BANK1: variants seen among roughly 807,000 people sequenced by gnomAD.
The protein encoded by BANK1 is B-cell scaffold protein with ankyrin repeats.
Under a neutral mutation model 94.5 loss-of-function variants are expected in BANK1, and 95 were observed. That is an observed-to-expected ratio of 1.00 (90% CI 0.85 to 1.19). The LOEUF is 1.19. Among genes scored for constraint, BANK1 ranks in the 50% most tolerant of loss-of-function variants. The pLI is 0.00. For missense variants in BANK1, 987 were observed against 932.2 expected (o/e 1.06, Z -0.77); for synonymous variants, 334 against 308.4 (o/e 1.08, Z -0.87).
chr4:102,058,217 C>T (rs1166081868), intron 11 of BANK1, among the ~76,000 whole-genome samples: 1 of 152,022 alleles, frequency 6.6e-6, no homozygotes, highest in Non-Finnish European at 1.5e-5. Flanking sequence ...TACATTCTTA[C>T]CTACTCTGTA....
chr4:101,960,372 CAGTA>C (rs1011421177), intron 7 of BANK1, among the ~76,000 whole-genome samples: 10 of 152,038 alleles, frequency 6.6e-5, no homozygotes, highest in African/African-American at 2.4e-4. Flanking sequence ...AGGCCAAAAA[CAGTA>C]AGAATGACTG....
At position 102,043,733 on chromosome 4, in the gene BANK1, T is replaced by G. The variant is rs1727779395; in HGVS notation, c.1901-106T>G. ...AAAAGTAATACAATTCAGGAACTGA[T>G]ACTCAGGAAAATGATATATTGCATT... On this transcript the variant is annotated intron_variant, in intron 10 of 16. Coordinates refer to ENST00000322953, the MANE Select transcript of BANK1 (RefSeq NM_017935.5). 2.4e-5 allele frequency: 15 copies of G among 616,850 alleles called. No homozygotes were observed. In the South Asian group the frequency reaches 3.9e-4, roughly 16 times the overall value. 38.2% of individuals were successfully genotyped at this position (616,850 alleles called of 1,614,324 possible). A position where few individuals can be genotyped will look rare whatever the true frequency, so the allele number is the denominator to read the frequency against.
intron 11 of BANK1, among the ~76,000 whole-genome samples, chr4:102,053,652 A>G (rs1310551180): frequency 2.0e-5 from 3 of 151,918 alleles, no homozygotes; most frequent in African/African-American, 7.2e-5. Context: ...GGAATTAAAC[A>G]AAATAAAAAG....
chr4:101,809,622 T>G (rs1364483627), intron 1 of BANK1, among the ~76,000 whole-genome samples: 2 of 152,264 alleles, frequency 1.3e-5, no homozygotes, highest in East Asian at 3.9e-4. Context: ...CAAAGGAACT[T>G]TCAAGCTCCC....
intron 11 of BANK1, among the ~76,000 whole-genome samples, chr4:102,046,012 T>C (rs1727866140): frequency 6.8e-6 from 1 of 148,012 alleles, no homozygotes; most frequent in Non-Finnish European, 1.5e-5. Flanking sequence ...AGAACAAAGC[T>C]GGAGGCATCA....
At chr4:102,071,170 A>G in intron 13 of BANK1, 105 bp from the exon 14 acceptor site, 1 of 1,282,602 alleles carries the variant, frequency 7.8e-7, no homozygotes, top group South Asian at 1.3e-5. Flanking sequence ...ATTTCATAGC[A>G]ACCTCAAAGA....
chr4:102,035,768 C>G (rs939187832), intron 10 of BANK1, among the ~76,000 whole-genome samples: 1 of 151,810 alleles, frequency 6.6e-6, no homozygotes, highest in Non-Finnish European at 1.5e-5. Context: ...ACAAGAATAA[C>G]TCATTTTTCA....
At chr4:102,071,506 G>A (rs111360180) in intron 14 of BANK1, among the ~76,000 whole-genome samples, 1,797 of 152,288 alleles carry the variant, frequency 0.012, 16 homozygotes, top group Non-Finnish European at 0.018. Context: ...GCACCATAAC[G>A]TAATAAAAGG....
At chr4:101,827,723 A>T (rs564288338) in intron 1 of BANK1, among the ~76,000 whole-genome samples, 1 of 152,058 alleles carries the variant, frequency 6.6e-6, no homozygotes, top group South Asian at 2.1e-4. Context: ...GATTACAGTT[A>T]CACTTTCATA....
intron 7 of BANK1, among the ~76,000 whole-genome samples, chr4:101,966,152 T>G (rs1724747457): frequency 6.6e-6 from 1 of 152,068 alleles, no homozygotes; most frequent in African/African-American, 2.4e-5. Context: ...AGGAGGCTAT[T>G]CAAACACAGT....
At chr4:101,794,555 T>C (rs2148847672) in intron 1 of BANK1, among the ~76,000 whole-genome samples, 1 of 152,222 alleles carries the variant, frequency 6.6e-6, no homozygotes, top group South Asian at 2.1e-4. Context: ...ATTTAAAAAG[T>C]AAGTTATTAT....
chr4:101,947,309 A>ATATATATATATATATATATATATATG (rs1176507515), intron 7 of BANK1, among the ~76,000 whole-genome samples: 2,086 of 67,034 alleles, frequency 0.031, 209 homozygotes, highest in Non-Finnish European at 0.041. Context: ...ATATATATAT[A>ATATATATATATATATATATATATATG]TATGTATATG....
At chr4:102,043,526 C>A (rs75738090) in intron 10 of BANK1, among the ~76,000 whole-genome samples, 4,238 of 152,002 alleles carry the variant, frequency 0.028, 71 homozygotes, top group Non-Finnish European at 0.038. Flanking sequence ...TAACATTTAT[C>A]GCTTTTAACA....
At chr4:102,055,746 C>G (rs188345515) in intron 11 of BANK1, among the ~76,000 whole-genome samples, 9 of 152,022 alleles carry the variant, frequency 5.9e-5, no homozygotes, top group Admixed American at 5.9e-4. Flanking sequence ...CAAAAAGTAC[C>G]TATTAAAAAG....
chr4:102,045,311 A>G (rs1727842752), intron 11 of BANK1, among the ~76,000 whole-genome samples: 1 of 152,178 alleles, frequency 6.6e-6, no homozygotes, highest in Admixed American at 6.6e-5. Context: ...GAGCGTATCT[A>G]TGACAAACCC....
chr4:101,964,659 T>A (rs1724684854), intron 7 of BANK1, among the ~76,000 whole-genome samples: 1 of 152,104 alleles, frequency 6.6e-6, no homozygotes, highest in Admixed American at 6.6e-5. Flanking sequence ...TTAAATGACT[T>A]CTTTACTGAA....
intron 8 of BANK1, 98 bp downstream of exon 8, chr4:102,021,690 A>T (rs765729904): frequency 1.1e-5 from 5 of 454,446 alleles, no homozygotes; most frequent in African/African-American, 2.1e-5. Context: ...GCAAGACTGA[A>T]GAGAATGTGG....
intron 1 of BANK1, among the ~76,000 whole-genome samples, chr4:101,809,241 C>T (rs1410744315): frequency 1.3e-5 from 2 of 151,962 alleles, no homozygotes; most frequent in African/African-American, 2.4e-5. Flanking sequence ...TGAAGTAACT[C>T]GGGAATGGAA....
chr4:102,060,223 T>C lies in BANK1; in HGVS notation c.1982T>C (p.Ile661Thr). The C allele has an allele frequency of 6.3e-7, 1 of 1,577,642 alleles. No homozygotes were observed. Among genetic ancestry groups the C allele is most frequent in the Non-Finnish European group, 8.5e-7 (1 of 1,169,840 alleles). ...CCTTGTATTTTAGACAGAGCTCGGA[T>C]AGAGAGTCCAGCCTTTTCTACTCTC... Reference protein sequence around the residue: ...GLPKKQDRARIESPAFSTLRG... With the variant: ...GLPKKQDRARTESPAFSTLRG... The change falls in exon 12 of 17, where the codon ATA (isoleucine) becomes ACA (threonine). Residue 661 changes from isoleucine to threonine, a missense_variant. Physicochemically the swap from Ile to Thr is moderately conservative, Grantham distance 89 (BLOSUM62 -1). Coordinates refer to ENST00000322953, the MANE Select transcript of BANK1 (RefSeq NM_017935.5).
Sources: allele counts gnomAD v4.1 joint callset (sites outside exome capture counted in the v4.1 genomes callset), GRCh38; gene constraint gnomAD v4.1.1; transcripts MANE v1.5; gene names NCBI Gene and HGNC (gene_info 2026-07-23, HGNC 2026-07-21).